NXPE4: variants seen among roughly 807,000 people sequenced by gnomAD.
NXPE4 encodes the protein neurexophilin and PC-esterase domain family member 4.
Under a neutral mutation model 33.3 loss-of-function variants are expected in NXPE4, and 42 were observed. That is an observed-to-expected ratio of 1.26 (90% CI 0.98 to 1.63). The LOEUF is 1.63. NXPE4 is among the 40% of genes most tolerant of loss of function. The probability of loss-of-function intolerance (pLI) is 0.00; values close to 1 mark genes in which losing one functional copy is unlikely to be tolerated. For synonymous variants in NXPE4, 253 were observed against 234.9 expected, an observed-to-expected ratio of 1.08 and a Z score of -0.71; for missense variants, 709 against 647.6, an observed-to-expected ratio of 1.09 and a Z score of -1.03.
chr11:114,576,301 T>C (rs1948992785), intron 5 of NXPE4, among the ~76,000 whole-genome samples: 2 of 152,004 alleles, frequency 1.3e-5, no homozygotes, highest in Non-Finnish European at 2.9e-5. Context: ...GCAAAAACTT[T>C]ATGACCAAGG....
chr11:114,601,689 T>A, the NXPE4 span, among the ~76,000 whole-genome samples: 2 of 31,474 alleles, frequency 6.4e-5, no homozygotes, highest in African/African-American at 3.5e-4. Context: ...ATAGATTATA[T>A]ATATTTATAA....
intron 2 of NXPE4, among the ~76,000 whole-genome samples, chr11:114,587,494 T>A (rs1353128372): frequency 6.6e-6 from 1 of 152,212 alleles, no homozygotes; most frequent in Non-Finnish European, 1.5e-5. Flanking sequence ...GTCATGCAGA[T>A]CACACAAGTC....
At chr11:114,601,681 A>ATAT in the NXPE4 span, among the ~76,000 whole-genome samples, 2 of 26,840 alleles carry the variant, frequency 7.5e-5, no homozygotes, top group Admixed American at 7.0e-4. Flanking sequence ...TTATAATTAT[A>ATAT]GATTATATAT....
chr11:114,663,567 A>G, the NXPE4 span, among the ~76,000 whole-genome samples: 1 of 150,934 alleles, frequency 6.6e-6, no homozygotes, highest in African/African-American at 2.5e-5. Flanking sequence ...GTCTATCTCT[A>G]TCTATCATCT....
the NXPE4 span, among the ~76,000 whole-genome samples, chr11:114,601,643 A>G: frequency 5.4e-5 from 4 of 73,778 alleles, 1 homozygote; most frequent in African/African-American, 2.2e-4. Flanking sequence ...ATAATTATAT[A>G]TAATTATATA....
At chr11:114,602,166 ATATAT>A in the NXPE4 span, among the ~76,000 whole-genome samples, 20 of 106,382 alleles carry the variant, frequency 1.9e-4, no homozygotes, top group Admixed American at 8.6e-4. Context: ...ATTATTTATA[ATATAT>A]TATACTATAT....
the NXPE4 span, among the ~76,000 whole-genome samples, chr11:114,629,365 T>TCA: frequency 6.6e-6 from 1 of 151,670 alleles, no homozygotes; most frequent in Non-Finnish European, 1.5e-5. Context: ...CCTGGTTCAA[T>TCA]ATACACAAAT....
chr11:114,635,421 T>G, the NXPE4 span, among the ~76,000 whole-genome samples: 1 of 151,440 alleles, frequency 6.6e-6, no homozygotes, highest in Non-Finnish European at 1.5e-5. Context: ...CAGGGACAAT[T>G]TGACTTCCTC....
chr11:114,624,439 G>A, the NXPE4 span, among the ~76,000 whole-genome samples: 1 of 152,110 alleles, frequency 6.6e-6, no homozygotes, highest in Non-Finnish European at 1.5e-5. Context: ...AATAATTATT[G>A]CCTCATGGGT....
At chr11:114,659,127 A>T in the NXPE4 span, among the ~76,000 whole-genome samples, 1 of 152,216 alleles carries the variant, frequency 6.6e-6, no homozygotes, top group African/African-American at 2.4e-5. Context: ...TCCCTACCTC[A>T]TGGCTCAGGA....
the NXPE4 span, among the ~76,000 whole-genome samples, chr11:114,648,055 T>A: frequency 2.0e-5 from 3 of 152,174 alleles, no homozygotes; most frequent in African/African-American, 4.8e-5. Context: ...CCCTGTGGTA[T>A]ATAAGACATA....
the NXPE4 span, among the ~76,000 whole-genome samples, chr11:114,647,294 G>T: frequency 1.3e-5 from 2 of 152,008 alleles, no homozygotes; most frequent in Non-Finnish European, 2.9e-5. Context: ...TTCTTTTATT[G>T]TACTGTGCTT....
chr11:114,624,503 C>T, the NXPE4 span, among the ~76,000 whole-genome samples: 1 of 152,028 alleles, frequency 6.6e-6, no homozygotes, highest in Non-Finnish European at 1.5e-5. Flanking sequence ...GCCCTGTTGC[C>T]CACTGGATAA....
At chr11:114,625,819 C>A in the NXPE4 span, among the ~76,000 whole-genome samples, 9 of 152,082 alleles carry the variant, frequency 5.9e-5, no homozygotes, top group Admixed American at 5.9e-4. Context: ...TGGGTGAGCA[C>A]ACCACGTGCA....
At chr11:114,615,753 GATA>G in the NXPE4 span, among the ~76,000 whole-genome samples, 1 of 151,466 alleles carries the variant, frequency 6.6e-6, no homozygotes, top group Non-Finnish European at 1.5e-5. Flanking sequence ...TTACTCAGTG[GATA>G]ATAAGTACTG....
At chr11:114,621,828 C>T in the NXPE4 span, among the ~76,000 whole-genome samples, 12 of 152,046 alleles carry the variant, frequency 7.9e-5, no homozygotes, top group African/African-American at 2.9e-4. Flanking sequence ...ACCACTGTTA[C>T]CTGCTGGAAA....
the NXPE4 span, among the ~76,000 whole-genome samples, chr11:114,605,760 G>A: frequency 6.6e-6 from 1 of 151,674 alleles, no homozygotes; most frequent in Non-Finnish European, 1.5e-5. Flanking sequence ...TTGCCCCTAG[G>A]GTAATCACTG....
chr11:114,601,923 A>ATTATATATAATAT, the NXPE4 span, among the ~76,000 whole-genome samples: 1 of 70,362 alleles, frequency 1.4e-5, no homozygotes, highest in Non-Finnish European at 2.5e-5. Context: ...ATTATATATA[A>ATTATATATAATAT]TATATTTATA....
the NXPE4 span, among the ~76,000 whole-genome samples, chr11:114,633,278 G>A: frequency 2.3e-5 from 3 of 132,084 alleles, no homozygotes; most frequent in Admixed American, 1.6e-4. Flanking sequence ...ATAGTATTAT[G>A]TTATATTATA....
Sources: allele counts gnomAD v4.1 joint callset (sites outside exome capture counted in the v4.1 genomes callset), GRCh38; gene constraint gnomAD v4.1.1; transcripts MANE v1.5; gene names NCBI Gene and HGNC (gene_info 2026-07-23, HGNC 2026-07-21).